EN1: variants seen among roughly 807,000 people sequenced by gnomAD.
The protein encoded by EN1 is homeobox protein engrailed-1.
In EN1, 8 loss-of-function variants were observed where a neutral mutation model predicts 22.9. The ratio of observed to expected loss-of-function variants is 0.35; its 90% CI spans 0.20 to 0.63. The LOEUF is 0.63. EN1 is among the 20% of genes least tolerant of loss of function. The probability of loss-of-function intolerance (pLI) is 0.73; values close to 1 mark genes in which losing one functional copy is unlikely to be tolerated. For synonymous variants in EN1, 287 were observed against 262.5 expected, an observed-to-expected ratio of 1.09 and a Z score of -0.90; for missense variants, 521 against 572.1, an observed-to-expected ratio of 0.91 and a Z score of 0.91.
intron 1 of EN1, among the ~76,000 whole-genome samples, chr2:118,845,593 C>T (rs1347333567): frequency 1.3e-5 from 2 of 152,232 alleles, no homozygotes; most frequent in Non-Finnish European, 2.9e-5. Context: ...GGACACGCTT[C>T]CTGGCCTGAG....
chr2:118,843,160 C>T lies in EN1; in HGVS notation c.957G>A (p.Lys319=). The stretch of plus-strand genomic sequence containing the variant: ...TGTAGCGGTTTGCCTGGAACTCCGC[C>T]TTGAGTCTCTGCAGCTGCTCGGCCG... The part of the protein sequence containing the change: ...AFTAEQLQRL[K]AEFQANRYIT... The change falls in exon 2 of 2, where the codon AAG becomes AAA. Residue 319 remains lysine, a synonymous_variant. Transcript: ENST00000295206. The T allele has an allele frequency of 6.2e-7, 1 of 1,610,368 alleles. No individual in the cohort carries two copies. Among genetic ancestry groups the T allele is most frequent in the Non-Finnish European group, 8.5e-7 (1 of 1,178,440 alleles).
Position 118,847,461 on chromosome 2 carries a change from T to G in EN1, c.-294A>C, listed in dbSNP as rs1678299052. 1 of 287,282 alleles carries G rather than the reference T, an allele frequency of 3.5e-6. No homozygotes were observed. Among genetic ancestry groups the G allele is most frequent in the Non-Finnish European group, 6.4e-6 (1 of 156,738 alleles). 17.8% of individuals were successfully genotyped at this position (287,282 alleles called of 1,614,324 possible). Reference sequence around the variant, plus strand: ...TGCAACCAGATTCAATGATTTGATTTAAATGGGGAGTAAGCCACGGCCAAA... The same window carrying G: ...TGCAACCAGATTCAATGATTTGATTGAAATGGGGAGTAAGCCACGGCCAAA... On this transcript the variant is annotated 5_prime_UTR_variant, in exon 1 of 2. Coordinates refer to ENST00000295206, the MANE Select transcript of EN1 (RefSeq NM_001426.4).
At chr2:118,844,770 G>A (rs1214239103) in intron 1 of EN1, among the ~76,000 whole-genome samples, 1 of 152,210 alleles carries the variant, frequency 6.6e-6, no homozygotes, top group Non-Finnish European at 1.5e-5. Context: ...GATCTGGGTC[G>A]AGGCTCATCC....
chr2:118,844,959 G>A (rs1462122513), intron 1 of EN1, among the ~76,000 whole-genome samples: 1 of 152,234 alleles, frequency 6.6e-6, no homozygotes, highest in Non-Finnish European at 1.5e-5. Flanking sequence ...CCCCAAAAAG[G>A]CCCCACTGCC....
Position 118,847,150 on chromosome 2 carries a change from C to T in EN1, c.18G>A (p.Pro6=). Reference sequence around the variant, plus strand: ...CCGAGTCGCGCTGACTTTTAGGTTCCGGCTGCTGTTCTTCCATGCTCGGCC... The same window carrying T: ...CCGAGTCGCGCTGACTTTTAGGTTCTGGCTGCTGTTCTTCCATGCTCGGCC... MEEQQ[P]EPKSQRDSAL... Residue 6 remains proline (P), a synonymous_variant, in exon 1 of 2, where the codon CCG becomes CCA. Coordinates refer to ENST00000295206, the MANE Select transcript of EN1 (RefSeq NM_001426.4). 8.5e-7 allele frequency: 1 copy of T among 1,171,784 alleles called. No individual in the cohort carries two copies. The highest frequency in any genetic ancestry group is 2.8e-5 in the Admixed American group (1 of 35,218). The allele number at this position is 1,171,784 out of a possible 1,614,324, so 72.6% of individuals were successfully genotyped here. A position where few individuals can be genotyped will look rare whatever the true frequency, so the allele number is the denominator to read the frequency against.
At chr2:118,844,053 C>T (rs977525641) in intron 1 of EN1, 4 of 152,212 alleles carry the variant, frequency 2.6e-5, no homozygotes, top group African/African-American at 9.7e-5. Context: ...GGTTTTCAGC[C>T]TTGCCCCTTG....
chr2:118,846,431 C>A lies in EN1; in HGVS notation c.737G>T (p.Gly246Val). The part of the protein sequence containing the change: ...GAQGTKYPEH[G>V]NPAILLMGSA... ...GCCCATAAGTAGGATAGCCGGGTTG[C>A]CGTGCTCCGGGTATTTGGTGCCCTG... The change falls in exon 1 of 2, where the codon GGC becomes GTC. Residue 246 changes from glycine (G) to valine (V), a missense_variant. Transcript: ENST00000295206. This position sits in a 1 kb window ranked among gnomAD's most constrained non-coding sequence, Gnocchi z 5.0. 6.2e-7 allele frequency: 1 copy of A among 1,612,808 alleles called. No individual in the cohort carries two copies. The highest frequency in any genetic ancestry group is 8.5e-7 in the Non-Finnish European group (1 of 1,179,710).
Position 118,846,169 on chromosome 2 carries a change from G to A in EN1, c.862+137C>T. 6.0e-6 allele frequency: 8 copies of A among 1,330,830 alleles called. No individual in the cohort carries two copies. The highest frequency in any genetic ancestry group is 8.1e-6 in the Non-Finnish European group (8 of 988,006). 82.4% of individuals were successfully genotyped at this position (1,330,830 alleles called of 1,614,324 possible). On this transcript the variant is annotated intron_variant, in intron 1 of 1. Coordinates refer to ENST00000295206, the MANE Select transcript of EN1 (RefSeq NM_001426.4). This position sits in a 1 kb window ranked among gnomAD's most constrained non-coding sequence, Gnocchi z 5.0. Reference sequence around the variant, plus strand: ...GCTGGATGAACATTCGGTTGTGACTGGAACTGGGGTGAGGAAGCAGGCGTG... The same window carrying A: ...GCTGGATGAACATTCGGTTGTGACTAGAACTGGGGTGAGGAAGCAGGCGTG...
Position 118,846,280 on chromosome 2 carries a change from G to T in EN1, c.862+26C>A. The T allele has an allele frequency of 6.2e-7, 1 of 1,600,464 alleles. No homozygotes were observed. Among genetic ancestry groups the T allele is most frequent in the South Asian group, 1.1e-5 (1 of 88,886 alleles). On this transcript the variant is annotated intron_variant, in intron 1 of 1. Coordinates refer to ENST00000295206, the MANE Select transcript of EN1 (RefSeq NM_001426.4). This position sits in a 1 kb window ranked among gnomAD's most constrained non-coding sequence, Gnocchi z 5.0. Reference sequence around the variant, plus strand: ...GGCGGTCCGCGGGGCCAGAAGGCATGGCGCAGCCCGGAGTTGGGTACTCAC... The same window carrying T: ...GGCGGTCCGCGGGGCCAGAAGGCATTGCGCAGCCCGGAGTTGGGTACTCAC...
Position 118,847,117 on chromosome 2 carries a change from G to C in EN1, c.51C>G (p.Gly17=), listed in dbSNP as rs2104612637. 2 of 1,348,622 alleles carry C rather than the reference G, an allele frequency of 1.5e-6. No individual in the cohort carries two copies. Among genetic ancestry groups the C allele is most frequent in the East Asian group, 3.2e-5 (1 of 31,166 alleles). The allele number at this position is 1,348,622 out of a possible 1,614,324, so 83.5% of individuals were successfully genotyped here. ...CGCCCGGAGTCGCCGCCGCCGCCGC[G>C]CCGAGGGCCGAGTCGCGCTGACTTT... ...EPKSQRDSAL[G]AAAAATPGGL... Residue 17 remains glycine (G), a synonymous_variant, in exon 1 of 2, where the codon GGC becomes GGG. Transcript: ENST00000295206.
chr2:118,847,206 C>A lies in EN1; in HGVS notation c.-39G>T. The A allele has an allele frequency of 1.7e-6, 1 of 597,112 alleles. No homozygotes were observed. Among genetic ancestry groups the A allele is most frequent in the Non-Finnish European group, 2.6e-6 (1 of 386,072 alleles). 37.0% of individuals were successfully genotyped at this position (597,112 alleles called of 1,614,324 possible). On this transcript the variant is annotated 5_prime_UTR_variant, in exon 1 of 2. Transcript: ENST00000295206. ...GCCGCCCCGGCCGCCGCGCCGGCCCCCGCCCCCACCGCCTCGCTCCCCACC... is the reference window on the plus strand; with the variant it reads ...GCCGCCCCGGCCGCCGCGCCGGCCCACGCCCCCACCGCCTCGCTCCCCACC...
In EN1 at chr2:118,847,179, CCGCCGCCCCGGCCGCCG is replaced by C; in HGVS notation, c.-29_-13del. 2 of 855,386 alleles carry C rather than the reference CCGCCGCCCCGGCCGCCG, an allele frequency of 2.3e-6. No homozygotes were observed. The highest frequency in any genetic ancestry group is 2.3e-5 in the South Asian group (1 of 42,726). 53.0% of individuals were successfully genotyped at this position (855,386 alleles called of 1,614,324 possible). A position where few individuals can be genotyped will look rare whatever the true frequency, so the allele number is the denominator to read the frequency against. Reference sequence around the variant, plus strand: ...TGCTGTTCTTCCATGCTCGGCCGCCCCGCCGCCCCGGCCGCCGCGCCGGCCCCCGCCCCCACCGCCTC... The same window carrying C: ...TGCTGTTCTTCCATGCTCGGCCGCCCCGCCGGCCCCCGCCCCCACCGCCTC... On this transcript the variant is annotated 5_prime_UTR_variant, in exon 1 of 2. Coordinates refer to ENST00000295206, the MANE Select transcript of EN1 (RefSeq NM_001426.4).
At position 118,847,202 on chromosome 2, in the gene EN1, GC is replaced by G. The variant is rs1352450476; in HGVS notation, c.-36del. 3.1e-6 allele frequency: 2 copies of G among 639,934 alleles called. No homozygotes were observed. Among genetic ancestry groups the G allele is most frequent in the Non-Finnish European group, 4.7e-6 (2 of 425,126 alleles). The allele number at this position is 639,934 out of a possible 1,614,324, so 39.6% of individuals were successfully genotyped here. ...CCCCGCCGCCCCGGCCGCCGCGCCGGCCCCCGCCCCCACCGCCTCGCTCCCC... is the reference window on the plus strand; with the variant it reads ...CCCCGCCGCCCCGGCCGCCGCGCCGGCCCCGCCCCCACCGCCTCGCTCCCC... On this transcript the variant is annotated 5_prime_UTR_variant, in exon 1 of 2. Coordinates refer to ENST00000295206, the MANE Select transcript of EN1 (RefSeq NM_001426.4).
chr2:118,842,277 TCAA>T lies in EN1; in HGVS notation c.*658_*660del, dbSNP rs1244791799. On this transcript the variant is annotated 3_prime_UTR_variant, in exon 2 of 2. Coordinates refer to ENST00000295206, the MANE Select transcript of EN1 (RefSeq NM_001426.4). ...CTCGCAGTCTGTGGGGTCGTATTTC[TCAA>T]CAAGTCTCCGGAAAACGAAAGGGGG... 6.6e-6 allele frequency: 1 copy of T among 152,424 alleles called. No homozygotes were observed. Among genetic ancestry groups the T allele is most frequent in the Non-Finnish European group, 1.5e-5 (1 of 68,064 alleles). The allele number at this position is 152,424 out of a possible 1,614,324, so 9.4% of individuals were successfully genotyped here. A position where few individuals can be genotyped will look rare whatever the true frequency, so the allele number is the denominator to read the frequency against.
rs982646490 is a variant in EN1 at position 118,846,999 on chromosome 2, G to C, written c.169C>G (p.Pro57Ala). ...SVPVSPQPAPPSPPAAPCLPP... is the reference protein window; with the variant it reads ...SVPVSPQPAPASPPAAPCLPP... ...AGGCAAGGCGCCGCGGGCGGCGAGG[G>C]GGGCGCAGGCTGCGGGGACACCGGC... Residue 57 changes from proline to alanine, a missense_variant, in exon 1 of 2, where the codon CCC becomes GCC. Pro to Ala is a conservative substitution (Grantham distance 27). Coordinates refer to ENST00000295206, the MANE Select transcript of EN1 (RefSeq NM_001426.4). The surrounding 1 kb of genome is among the most constrained non-coding windows in gnomAD (Gnocchi z 5.0). 1.5e-6 allele frequency: 2 copies of C among 1,362,196 alleles called. No homozygotes were observed. Among genetic ancestry groups the C allele is most frequent in the Admixed American group, 3.9e-5 (1 of 25,736 alleles). 84.4% of individuals were successfully genotyped at this position (1,362,196 alleles called of 1,614,324 possible). A position where few individuals can be genotyped will look rare whatever the true frequency, so the allele number is the denominator to read the frequency against.
chr2:118,842,944 G>C lies in EN1; in HGVS notation c.1173C>G (p.Ser391Arg). 6.2e-7 allele frequency: 1 copy of C among 1,600,488 alleles called. No individual in the cohort carries two copies. ...CGGCCCCGGCCTGTGGCGGCTACTC[G>C]CTCTCGTCTTTGTCCTGGACCGTGG... is the stretch of plus-strand genomic sequence containing the variant. ...STTTVQDKDE[S>R]E Residue 391 changes from serine (S) to arginine (R), a missense_variant, in exon 2 of 2, where the codon AGC becomes AGG. Transcript: ENST00000295206.
chr2:118,846,947 A>C lies in EN1; in HGVS notation c.221T>G (p.Leu74Arg). The change falls in exon 1 of 2, where the codon CTC (leucine) becomes CGC (arginine). Residue 74 changes from leucine (L) to arginine (R), a missense_variant. Transcript: ENST00000295206. This position sits in a 1 kb window ranked among gnomAD's most constrained non-coding sequence, Gnocchi z 5.0. The stretch of plus-strand genomic sequence containing the variant: ...CGGCGGGGGCGGGGGGTGTGGGGGG[A>C]GGTGCGGGTGGTGGGCCAGGGGCGG... ...CLPPLAHHPH[L>R]PPHPPPPPPQ... The C allele has an allele frequency of 7.8e-6, 3 of 386,108 alleles. No individual in the cohort carries two copies. The South Asian group carries it at 1.0e-4, about 13-fold the overall frequency. The allele number at this position is 386,108 out of a possible 1,614,324, so 23.9% of individuals were successfully genotyped here.
rs1481535203 is a variant in EN1 at position 118,842,403 on chromosome 2, C to T, written c.*535G>A. The T allele has an allele frequency of 1.3e-5, 2 of 151,618 alleles. No homozygotes were observed. The highest frequency in any genetic ancestry group is 4.9e-5 in the African/African-American group (2 of 41,012). 9.4% of individuals were successfully genotyped at this position (151,618 alleles called of 1,614,324 possible). On this transcript the variant is annotated 3_prime_UTR_variant, in exon 2 of 2. Coordinates refer to ENST00000295206, the MANE Select transcript of EN1 (RefSeq NM_001426.4). ...CACTCTCGCACACAAAGAAAAGTCC[C>T]AGAGAAACCAGGGCCGGCGATGCGG...
chr2:118,842,675 A>T lies in EN1; in HGVS notation c.*263T>A. On this transcript the variant is annotated 3_prime_UTR_variant, in exon 2 of 2. Coordinates refer to ENST00000295206, the MANE Select transcript of EN1 (RefSeq NM_001426.4). ...AGCGGTTTGGCTAGATAGAGCTTTAAGGAGTTCGCAGTTTCGTCCCTTATA... is the reference window on the plus strand; with the variant it reads ...AGCGGTTTGGCTAGATAGAGCTTTATGGAGTTCGCAGTTTCGTCCCTTATA... The T allele has an allele frequency of 2.0e-6, 1 of 509,786 alleles. No individual in the cohort carries two copies. The highest frequency in any genetic ancestry group is 3.8e-5 in the Admixed American group (1 of 26,034). 31.6% of individuals were successfully genotyped at this position (509,786 alleles called of 1,614,324 possible).
Sources: allele counts gnomAD v4.1 joint callset (sites outside exome capture counted in the v4.1 genomes callset), GRCh38; gene constraint gnomAD v4.1.1; non-coding constraint Gnocchi (gnomAD v3.1); transcripts MANE v1.5; gene names NCBI Gene and HGNC (gene_info 2026-07-23, HGNC 2026-07-21).